The following MYO6 variants were observed in gnomAD, a reference collection of about 807,000 sequenced individuals.
The protein encoded by MYO6 is unconventional myosin-VI.
A neutral mutation model predicts 178.7 loss-of-function variants in MYO6; 74 were observed. The ratio of observed to expected loss-of-function variants is 0.41; its 90% confidence interval spans 0.34 to 0.50. MYO6 has a LOEUF of 0.50. MYO6 is among the 20% of genes least tolerant of loss of function. The pLI, the probability that MYO6 is intolerant of heterozygous loss-of-function variation, is 0.09. For missense variants in MYO6, 1,330 were observed against 1,547.4 expected (o/e 0.86, Z 2.36); for synonymous variants, 477 against 504.6 (o/e 0.95, Z 0.73).
At chr6:75,832,208 A>G (rs770919730) in intron 5 of MYO6, among the ~76,000 whole-genome samples, 46 of 152,248 alleles carry the variant, frequency 3.0e-4, no homozygotes, top group Non-Finnish European at 5.3e-4. Context: ...ATATGTAAAC[A>G]GAGGCAAATC....
intron 1 of MYO6, among the ~76,000 whole-genome samples, chr6:75,758,697 A>G (rs1277328387): frequency 3.3e-5 from 5 of 151,998 alleles, no homozygotes; most frequent in African/African-American, 1.2e-4. Flanking sequence ...TGACCTCGTG[A>G]TCTGCCCGAC....
chr6:75,867,310 G>A, intron 18 of MYO6: 1 of 480,178 alleles, frequency 2.1e-6, no homozygotes, highest in African/African-American at 1.9e-5. Flanking sequence ...ATCTGAATGT[G>A]TTCATTCTTG....
At chr6:75,872,128 C>CAAAAATAAAAAT (rs567217878) in intron 19 of MYO6, among the ~76,000 whole-genome samples, 1 of 151,340 alleles carries the variant, frequency 6.6e-6, no homozygotes, top group Non-Finnish European at 1.5e-5. Flanking sequence ...GACTCTCTCT[C>CAAAAATAAAAAT]AAAAATAAAA....
intron 4 of MYO6, 131 bp from the exon 5 acceptor site, chr6:75,830,285 A>T: frequency 1.4e-6 from 1 of 734,788 alleles, no homozygotes; most frequent in Non-Finnish European, 2.3e-6. Context: ...GGGAATATTT[A>T]GGACTGATTT....
intron 1 of MYO6, among the ~76,000 whole-genome samples, chr6:75,759,030 C>T (rs888878514): frequency 4.6e-5 from 7 of 151,966 alleles, no homozygotes; most frequent in Middle Eastern, 3.4e-3. Flanking sequence ...CCACCATGCC[C>T]GGCTAATTTT....
intron 15 of MYO6, among the ~76,000 whole-genome samples, chr6:75,862,366 T>C (rs1295881168): frequency 6.6e-6 from 1 of 152,230 alleles, no homozygotes; most frequent in Non-Finnish European, 1.5e-5. Flanking sequence ...TTTCTTTATG[T>C]AGTAGCTTTT....
At chr6:75,878,060 AT>A (rs1232952206) in intron 20 of MYO6, among the ~76,000 whole-genome samples, 3 of 151,960 alleles carry the variant, frequency 2.0e-5, no homozygotes, top group African/African-American at 7.3e-5. Context: ...AGTTCTGGAG[AT>A]TTTTTTTCCC....
chr6:75,822,067 TTCTG>T (rs1401459995), intron 2 of MYO6, among the ~76,000 whole-genome samples: 6 of 152,178 alleles, frequency 3.9e-5, no homozygotes, highest in East Asian at 1.9e-4. Flanking sequence ...TGTTATTTTT[TTCTG>T]TCTTTTTTTT....
chr6:75,822,726 A>G (rs994192164), intron 2 of MYO6, 56 bp from the exon 3 acceptor site: 7 of 1,398,272 alleles, frequency 5.0e-6, no homozygotes, highest in Non-Finnish European at 6.1e-6. Flanking sequence ...AAGCCCTTCT[A>G]TTGTTCTTAC....
At chr6:75,798,732 C>T (rs1308683790) in intron 1 of MYO6, among the ~76,000 whole-genome samples, 1 of 151,792 alleles carries the variant, frequency 6.6e-6, no homozygotes, top group Non-Finnish European at 1.5e-5. Flanking sequence ...TTACTCACAC[C>T]ACTCTTATTC....
At chr6:75,841,745 T>C (rs1458360489) in intron 9 of MYO6, among the ~76,000 whole-genome samples, 2 of 152,184 alleles carry the variant, frequency 1.3e-5, no homozygotes, top group Admixed American at 6.5e-5. Context: ...CCATCAAGCC[T>C]AATACTTATT....
At chr6:75,858,413 C>CT (rs749585728) in intron 13 of MYO6, among the ~76,000 whole-genome samples, 8 of 152,130 alleles carry the variant, frequency 5.3e-5, no homozygotes, top group Non-Finnish European at 8.8e-5. Context: ...CGAGACCAGC[C>CT]TGGGTAACAT....
chr6:75,855,138 G>T lies in MYO6; in HGVS notation c.1079-1G>T. Reference sequence around the variant, plus strand: ...TTTCAATGAAAATATATTTCTATTAGGTGGTTGTAATCTGAAGAATAAATC... The same window carrying T: ...TTTCAATGAAAATATATTTCTATTATGTGGTTGTAATCTGAAGAATAAATC... On this transcript the variant is annotated splice_acceptor_variant, in intron 11 of 34. Coordinates refer to ENST00000369977, the MANE Select transcript of MYO6 (RefSeq NM_004999.4). LOFTEE classifies it high-confidence loss of function. The T allele has an allele frequency of 6.2e-7, 1 of 1,601,268 alleles. No homozygotes were observed. Among genetic ancestry groups the T allele is most frequent in the South Asian group, 1.1e-5 (1 of 90,444 alleles).
chr6:75,890,036 T>C (rs759218211), intron 25 of MYO6, 21 bp from the exon 26 acceptor site: 2 of 1,527,728 alleles, frequency 1.3e-6, no homozygotes, highest in South Asian at 1.1e-5. Flanking sequence ...TTTACGTACC[T>C]ATTTATTTTA....
chr6:75,822,298 A>G (rs1771968257), intron 2 of MYO6, among the ~76,000 whole-genome samples: 1 of 152,168 alleles, frequency 6.6e-6, no homozygotes, highest in African/African-American at 2.4e-5. Flanking sequence ...GAGTTCTACC[A>G]TGTTGGCCAG....
chr6:75,830,329 T>C (rs1168534580), intron 4 of MYO6, 87 bp from the exon 5 acceptor site: 1 of 1,298,944 alleles, frequency 7.7e-7, no homozygotes, highest in Non-Finnish European at 1.1e-6. Context: ...TTGAAATTTT[T>C]TGTATTTTAT....
At chr6:75,868,350 G>C (rs1302093172) in intron 18 of MYO6, among the ~76,000 whole-genome samples, 1 of 151,672 alleles carries the variant, frequency 6.6e-6, no homozygotes, top group African/African-American at 2.4e-5. Flanking sequence ...ATCGACATTT[G>C]ATAGCAGATT....
intron 1 of MYO6, among the ~76,000 whole-genome samples, chr6:75,805,021 A>ATATTTTTTTTTTT (rs1252912172): frequency 7.8e-5 from 6 of 77,284 alleles, no homozygotes; most frequent in East Asian, 5.6e-4. Context: ...ATATATATAT[A>ATATTTTTTTTTTT]TTTTTTTTTT....
rs558983523 is a variant in MYO6, at chr6:75,847,094, A to G, written c.898-1257A>G. ...CTGCCATACAGCAAATATGTTCATT[A>G]ACTTTTGATTAGAAACAGTTTTTAA... On this transcript the variant is annotated intron_variant, in intron 10 of 34. Coordinates refer to ENST00000369977, the MANE Select transcript of MYO6 (RefSeq NM_004999.4). Among the ~76,000 whole-genome samples the G allele has an allele frequency of 1.2e-4, 18 of 152,250 alleles. 1 individual carries two copies. Among genetic ancestry groups the G allele is most frequent in the Admixed American group, 1.2e-3 (18 of 15,288 alleles).
Sources: gnomAD v4.1 joint callset for allele counts (sites outside exome capture counted in the v4.1 genomes callset) on GRCh38, gnomAD v4.1.1 for gene constraint, MANE v1.5 for transcripts, NCBI Gene and HGNC (gene_info 2026-07-23, HGNC 2026-07-21) for gene names.